The following DEUP1 variants were observed in gnomAD, a reference collection of about 807,000 sequenced individuals.
DEUP1 encodes the protein deuterosome assembly protein 1.
A neutral mutation model predicts 87.4 loss-of-function variants in DEUP1; 82 were observed. That is an observed-to-expected ratio of 0.94 (90% CI 0.78 to 1.13). The LOEUF (loss-of-function observed/expected upper bound fraction) is 1.13, where lower values mean the gene tolerates loss of function less well. DEUP1 is among the 50% of genes most tolerant of loss of function. The pLI is 0.00. For missense variants in DEUP1, 663 were observed against 681.5 expected (o/e 0.97, Z 0.30); for synonymous variants, 214 against 222.7 (o/e 0.96, Z 0.35).
rs1283461536 is a variant in DEUP1 at position 93,403,366 on chromosome 11, G to A, written c.1327-4865G>A. On this transcript the variant is annotated intron_variant, in intron 11 of 13. Transcript: ENST00000298050. ...AATTATTTTTCCACTCTCTTTTAGA[G>A]TACTTGGTATATCCAAGTTTCACTA... Among the ~76,000 whole-genome samples the A allele has an allele frequency of 6.6e-5, 10 of 152,012 alleles. No homozygotes were observed. The East Asian group carries it at 1.9e-3, about 29-fold the overall frequency.
chr11:93,411,270 C>T (rs766692634), intron 12 of DEUP1: 1 of 152,118 alleles, frequency 6.6e-6, no homozygotes, highest in East Asian at 1.9e-4. Flanking sequence ...TACAAAGTAT[C>T]TTTACATATC....
intron 2 of DEUP1, among the ~76,000 whole-genome samples, chr11:93,345,220 G>T (rs527383426): frequency 1.3e-5 from 2 of 152,194 alleles, no homozygotes; most frequent in East Asian, 3.9e-4. Context: ...AGTATTTCAT[G>T]GTATATATGA....
rs1384355810 is a variant in DEUP1 at position 93,389,179 on chromosome 11, C to A, written c.1041+54C>A. 3.1e-6 allele frequency: 3 copies of A among 970,082 alleles called. No individual in the cohort carries two copies. In the African/African-American group the frequency reaches 5.2e-5, roughly 17 times the overall value. 60.1% of individuals were successfully genotyped at this position (970,082 alleles called of 1,614,324 possible). A position where few individuals can be genotyped will look rare whatever the true frequency, so the allele number is the denominator to read the frequency against. ...CAGGTAGATGTGAACTCTTTACATA[C>A]AAAGGGAGTTAAAAAAAAATCTTTC... On this transcript the variant is annotated intron_variant, in intron 9 of 13. Transcript: ENST00000298050.
At chr11:93,359,350 TA>T (rs56671650) in intron 4 of DEUP1, among the ~76,000 whole-genome samples, 3,898 of 152,220 alleles carry the variant, frequency 0.026, 99 homozygotes, top group African/African-American at 0.061. Context: ...AAAAAGGAGT[TA>T]TTTTTTTTCC....
At chr11:93,414,204 A>G (rs1278961114) in intron 12 of DEUP1, among the ~76,000 whole-genome samples, 2 of 152,118 alleles carry the variant, frequency 1.3e-5, no homozygotes, top group East Asian at 3.9e-4. Context: ...AAATCTATAG[A>G]AATTAGAGTT....
chr11:93,408,925 C>A (rs907680992), intron 12 of DEUP1, among the ~76,000 whole-genome samples: 2 of 151,226 alleles, frequency 1.3e-5, no homozygotes, highest in South Asian at 4.2e-4. Flanking sequence ...GGTGTGATCT[C>A]GGCTCACTCC....
intron 7 of DEUP1, among the ~76,000 whole-genome samples, chr11:93,384,098 C>T (rs1023522731): frequency 7.2e-5 from 11 of 152,300 alleles, no homozygotes; most frequent in African/African-American, 2.4e-4. Context: ...CAGCCAAGTA[C>T]TGCTGCAGAA....
At chr11:93,413,135 A>C (rs1487349438) in intron 12 of DEUP1, among the ~76,000 whole-genome samples, 1 of 152,196 alleles carries the variant, frequency 6.6e-6, no homozygotes, top group East Asian at 1.9e-4. Context: ...AAATTAAACT[A>C]TGAAGGCTTT....
intron 2 of DEUP1, among the ~76,000 whole-genome samples, chr11:93,340,760 A>G (rs1944028260): frequency 6.6e-6 from 1 of 152,208 alleles, no homozygotes; most frequent in South Asian, 2.1e-4. Context: ...ATGATGAACA[A>G]AGGATGGTCC....
At chr11:93,380,346 T>C (rs1946247451) in intron 7 of DEUP1, among the ~76,000 whole-genome samples, 1 of 152,110 alleles carries the variant, frequency 6.6e-6, no homozygotes, top group Non-Finnish European at 1.5e-5. Flanking sequence ...TTTTAGTGGA[T>C]AGAACTTGAT....
At chr11:93,355,617 T>C in intron 3 of DEUP1, 75 bp downstream of exon 3, 3 of 1,303,790 alleles carry the variant, frequency 2.3e-6, no homozygotes, top group Non-Finnish European at 3.1e-6. Flanking sequence ...AATATGTTTT[T>C]ATTATACATA....
intron 2 of DEUP1, among the ~76,000 whole-genome samples, chr11:93,351,965 C>G (rs1475679134): frequency 2.6e-5 from 4 of 152,224 alleles, no homozygotes; most frequent in African/African-American, 7.2e-5. Flanking sequence ...CAAGCATGTT[C>G]TTATTCAAAA....
intron 7 of DEUP1, 101 bp from the exon 8 acceptor site, chr11:93,385,297 G>T: frequency 9.3e-7 from 1 of 1,080,424 alleles, no homozygotes; most frequent in Non-Finnish European, 1.4e-6. Flanking sequence ...ATATCAGTTT[G>T]TTTAAAATTA....
At chr11:93,382,292 A>G (rs948904480) in intron 7 of DEUP1, among the ~76,000 whole-genome samples, 1 of 152,310 alleles carries the variant, frequency 6.6e-6, no homozygotes, top group African/African-American at 2.4e-5. Context: ...AATATCAAGA[A>G]AGCCTTCAAA....
At chr11:93,349,595 A>G (rs55639747) in intron 2 of DEUP1, among the ~76,000 whole-genome samples, 81,089 of 151,422 alleles carry the variant, frequency 0.54, 22,070 homozygotes, top group Admixed American at 0.65. Context: ...CAAAAAAAAA[A>G]AACTTGTTCA....
chr11:93,355,208 T>C (rs554716737), intron 2 of DEUP1, among the ~76,000 whole-genome samples, 163 bp from the exon 3 acceptor site: 27 of 152,378 alleles, frequency 1.8e-4, no homozygotes, highest in African/African-American at 6.3e-4. Flanking sequence ...AAATTGGCTT[T>C]ATTAATTTTA....
intron 2 of DEUP1, among the ~76,000 whole-genome samples, chr11:93,354,448 T>C (rs931837069): frequency 3.3e-5 from 5 of 152,306 alleles, no homozygotes; most frequent in Admixed American, 6.5e-5. Context: ...AGTTCCAAAG[T>C]TGCTTCCACA....
intron 2 of DEUP1, among the ~76,000 whole-genome samples, chr11:93,348,083 G>T (rs565403016): frequency 3.1e-4 from 47 of 152,244 alleles, no homozygotes; most frequent in African/African-American, 1.0e-3. Flanking sequence ...GAGGATGTAT[G>T]TGTCCAGAAA....
At chr11:93,347,175 G>A (rs1237056173) in intron 2 of DEUP1, among the ~76,000 whole-genome samples, 3 of 151,984 alleles carry the variant, frequency 2.0e-5, no homozygotes, top group Non-Finnish European at 4.4e-5. Context: ...TGTTGGCTCT[G>A]ATTATTTTGA....
Sources: gnomAD v4.1 joint callset for allele counts (sites outside exome capture counted in the v4.1 genomes callset) on GRCh38, gnomAD v4.1.1 for gene constraint, MANE v1.5 for transcripts, NCBI Gene and HGNC (gene_info 2026-07-23, HGNC 2026-07-21) for gene names.